Variants in CCDC85A observed in about 807,000 individuals in gnomAD.
The protein encoded by CCDC85A is coiled-coil domain containing 85A.
CCDC85A carries 38 observed loss-of-function variants against 50.2 expected under a neutral mutation model. The observed-to-expected ratio is 0.76, with a 90% confidence interval of 0.58 to 0.99. CCDC85A has a LOEUF of 0.99. CCDC85A is among the 50% of genes least tolerant of loss of function. The pLI is 0.00. For missense variants in CCDC85A, 820 were observed against 742.0 expected (o/e 1.11, Z -1.22); for synonymous variants, 366 against 301.4 (o/e 1.21, Z -2.22).
chr2:56,218,962 C>T (rs1213617257), intron 2 of CCDC85A, among the ~76,000 whole-genome samples: 4 of 151,518 alleles, frequency 2.6e-5, no homozygotes, highest in Admixed American at 1.3e-4. Context: ...GCTAATTATT[C>T]ATTACTTACG....
At chr2:56,282,096 T>G (rs1671231059) in intron 2 of CCDC85A, among the ~76,000 whole-genome samples, 2 of 152,222 alleles carry the variant, frequency 1.3e-5, no homozygotes, top group African/African-American at 4.8e-5. Flanking sequence ...GTTATTATTA[T>G]TAGTTCCTAA....
intron 4 of CCDC85A, among the ~76,000 whole-genome samples, chr2:56,374,942 C>CA (rs1292189189): frequency 6.6e-6 from 1 of 152,150 alleles, no homozygotes; most frequent in East Asian, 1.9e-4. Context: ...ATGAAAAATT[C>CA]TGTAAATAGG....
chr2:56,233,515 G>A (rs978348763), intron 2 of CCDC85A, among the ~76,000 whole-genome samples: 22 of 152,244 alleles, frequency 1.4e-4, no homozygotes, highest in African/African-American at 4.8e-4. Context: ...AAAATAAACT[G>A]TAGCCAATAT....
chr2:56,365,934 G>A (rs1310703859), intron 3 of CCDC85A, among the ~76,000 whole-genome samples: 1 of 151,852 alleles, frequency 6.6e-6, no homozygotes, highest in East Asian at 1.9e-4. Flanking sequence ...TCAACTCCTG[G>A]TAACCACCTT....
intron 2 of CCDC85A, among the ~76,000 whole-genome samples, chr2:56,269,858 A>G (rs1275240449): frequency 2.0e-5 from 3 of 152,100 alleles, no homozygotes; most frequent in Non-Finnish European, 4.4e-5. Flanking sequence ...ATTTCGAAAA[A>G]TAGCGCTATT....
intron 2 of CCDC85A, among the ~76,000 whole-genome samples, chr2:56,210,240 T>C (rs1353557296): frequency 6.6e-6 from 1 of 152,068 alleles, no homozygotes; most frequent in East Asian, 1.9e-4. Context: ...ACCGTCACAG[T>C]CATGTTTTAT....
At chr2:56,205,759 A>G (rs1412174878) in intron 2 of CCDC85A, among the ~76,000 whole-genome samples, 1 of 152,140 alleles carries the variant, frequency 6.6e-6, no homozygotes, top group Non-Finnish European at 1.5e-5. Flanking sequence ...ACAAATATTT[A>G]TTGTGTATTC....
At chr2:56,384,081 A>T (rs1676716290) in intron 5 of CCDC85A, among the ~76,000 whole-genome samples, 185 bp from the exon 6 acceptor site, 1 of 151,818 alleles carries the variant, frequency 6.6e-6, no homozygotes, top group Admixed American at 6.6e-5. Flanking sequence ...CCTACTACTA[A>T]GTAGTTCTTG....
chr2:56,383,774 A>G (rs1487317473), intron 5 of CCDC85A: 3 of 981,122 alleles, frequency 3.1e-6, no homozygotes, highest in African/African-American at 3.5e-5. Context: ...TCCTCAGCAC[A>G]TTAAACACTG....
chr2:56,270,683 A>G (rs1247777826), intron 2 of CCDC85A, among the ~76,000 whole-genome samples: 1 of 152,158 alleles, frequency 6.6e-6, no homozygotes, highest in Non-Finnish European at 1.5e-5. Context: ...GGTCCATTGG[A>G]TATTGCAATG....
intron 1 of CCDC85A, among the ~76,000 whole-genome samples, chr2:56,187,242 G>A (rs1298326724): frequency 1.3e-5 from 2 of 152,198 alleles, no homozygotes; most frequent in African/African-American, 2.4e-5. Context: ...GGCATTCTCA[G>A]TTGAGAACTA....
rs552016000 is a variant in CCDC85A, at chr2:56,305,018, G to A, written c.1241-37861G>A. On this transcript the variant is annotated intron_variant, in intron 2 of 5. Coordinates refer to ENST00000407595, the MANE Select transcript of CCDC85A (RefSeq NM_001080433.2). ...TTCAGGAGGCTGAGAGAAGAGAATC[G>A]CTTGAACCCAGGAGGCAGAGGTTGC... 9.2e-5 allele frequency among the ~76,000 whole-genome samples: 14 copies of A among 151,508 alleles called. 1 individual carries two copies. The highest frequency in any genetic ancestry group is 3.4e-4 in the African/African-American group (14 of 41,256).
chr2:56,240,658 T>A (rs1220580500), intron 2 of CCDC85A, among the ~76,000 whole-genome samples: 2 of 152,188 alleles, frequency 1.3e-5, no homozygotes, highest in Non-Finnish European at 2.9e-5. Context: ...GGGCCTTTTG[T>A]GCCTGCAACT....
intron 2 of CCDC85A, among the ~76,000 whole-genome samples, chr2:56,330,932 T>G (rs1673758789): frequency 6.6e-6 from 1 of 152,148 alleles, no homozygotes; most frequent in African/African-American, 2.4e-5. Context: ...TGTATATTTA[T>G]AGTAGCACAT....
chr2:56,228,684 C>A, intron 2 of CCDC85A, among the ~76,000 whole-genome samples: 1 of 152,166 alleles, frequency 6.6e-6, no homozygotes, highest in Non-Finnish European at 1.5e-5. Flanking sequence ...AGGGGCCCAC[C>A]CCCATGCCTG....
chr2:56,219,184 T>G (rs1278803946), intron 2 of CCDC85A, among the ~76,000 whole-genome samples: 3 of 147,952 alleles, frequency 2.0e-5, no homozygotes, highest in African/African-American at 7.5e-5. Flanking sequence ...CTACCAAAAG[T>G]AGTAGTATAG....
chr2:56,254,696 G>A (rs1280193310), intron 2 of CCDC85A, among the ~76,000 whole-genome samples: 1 of 152,164 alleles, frequency 6.6e-6, no homozygotes, highest in East Asian at 1.9e-4. Flanking sequence ...ACACTGATGT[G>A]TACTATAAGG....
intron 1 of CCDC85A, among the ~76,000 whole-genome samples, chr2:56,190,235 G>C (rs1245324632): frequency 6.6e-6 from 1 of 152,156 alleles, no homozygotes; most frequent in Non-Finnish European, 1.5e-5. Flanking sequence ...GCTTTTTGAA[G>C]CAGTGAAATC....
intron 3 of CCDC85A, among the ~76,000 whole-genome samples, chr2:56,366,402 A>T (rs983493582): frequency 6.6e-6 from 1 of 152,150 alleles, no homozygotes; most frequent in Non-Finnish European, 1.5e-5. Flanking sequence ...ATCTCTCCAT[A>T]TTCTTGCCAA....
Sources: gnomAD v4.1 joint callset for allele counts (sites outside exome capture counted in the v4.1 genomes callset) on GRCh38, gnomAD v4.1.1 for gene constraint, MANE v1.5 for transcripts, NCBI Gene and HGNC (gene_info 2026-07-23, HGNC 2026-07-21) for gene names.